Variants in SATL1 observed in about 807,000 individuals in gnomAD.
The protein encoded by SATL1 is spermidine/spermine N1-acetyl transferase like 1.
A neutral mutation model predicts 51.8 loss-of-function variants in SATL1; 47 were observed. The ratio of observed to expected loss-of-function variants is 0.91; its 90% CI spans 0.72 to 1.16. SATL1 has a LOEUF of 1.16. SATL1 is among the 50% of genes most tolerant of loss of function. The pLI, the probability that SATL1 is intolerant of heterozygous loss-of-function variation, is 0.00. For missense variants in SATL1, 520 were observed against 526.4 expected (o/e 0.99, Z 0.12); for synonymous variants, 176 against 182.4 (o/e 0.97, Z 0.28).
chrX:85,202,493 C>A (rs1448315453), intron 2 of SATL1, among the ~76,000 whole-genome samples: 4 of 111,659 alleles, frequency 3.6e-5, no homozygotes, highest in Non-Finnish European at 7.5e-5. Flanking sequence ...CTCTTGAGTG[C>A]TGGCTATAGT....
intron 4 of SATL1, among the ~76,000 whole-genome samples, chrX:85,096,123 A>G (rs746584951): frequency 8.9e-6 from 1 of 111,745 alleles, no homozygotes; most frequent in Admixed American, 9.5e-5. Context: ...AACTTAAAAC[A>G]TCTGTCTTAA....
At chrX:85,129,094 T>C (rs1305832245) in intron 2 of SATL1, among the ~76,000 whole-genome samples, 1 of 112,037 alleles carries the variant, frequency 8.9e-6, no homozygotes. Flanking sequence ...GCCTCCAGCT[T>C]TGCTCTTTTG....
At chrX:85,182,865 G>T (rs1927236949) in intron 2 of SATL1, among the ~76,000 whole-genome samples, 2 of 111,454 alleles carry the variant, frequency 1.8e-5, no homozygotes, top group Admixed American at 9.6e-5. Context: ...TCATGTATTT[G>T]TTGGCCATTT....
intron 2 of SATL1, among the ~76,000 whole-genome samples, chrX:85,196,920 G>C (rs1927576476): frequency 8.9e-6 from 1 of 111,911 alleles, no homozygotes; most frequent in Admixed American, 9.5e-5. Flanking sequence ...AAATCTTTGT[G>C]ACCTTGGGAT....
intron 2 of SATL1, among the ~76,000 whole-genome samples, chrX:85,148,470 C>T (rs1036310323): frequency 2.7e-5 from 3 of 110,174 alleles, no homozygotes; most frequent in Admixed American, 9.7e-5. Context: ...GAGAATGCCA[C>T]AAAGATATTC....
At chrX:85,115,032 T>C (rs1925350373) in intron 2 of SATL1, among the ~76,000 whole-genome samples, 1 of 111,390 alleles carries the variant, frequency 9.0e-6, no homozygotes, top group Non-Finnish European at 1.9e-5. Context: ...TGATGCATAC[T>C]GGGAAGGGGT....
intron 2 of SATL1, among the ~76,000 whole-genome samples, chrX:85,194,889 G>A (rs1927521066): frequency 9.2e-6 from 1 of 108,712 alleles, no homozygotes; most frequent in South Asian, 4.2e-4. Context: ...GGGAGGGTAG[G>A]GGAGGGATAG....
intron 2 of SATL1, among the ~76,000 whole-genome samples, chrX:85,187,985 T>C (rs1927350081): frequency 9.0e-6 from 1 of 111,298 alleles, no homozygotes; most frequent in South Asian, 3.7e-4. Context: ...TCTATAATTG[T>C]AAAAAGGAAA....
At chrX:85,236,659 C>A (rs1204034826) in intron 1 of SATL1, among the ~76,000 whole-genome samples, 1 of 111,217 alleles carries the variant, frequency 9.0e-6, no homozygotes, top group East Asian at 2.8e-4. Context: ...TAAAAACCCT[C>A]AAAAAACTGG....
chrX:85,138,629 G>A (rs1159113481), intron 2 of SATL1, among the ~76,000 whole-genome samples: 1 of 111,915 alleles, frequency 8.9e-6, no homozygotes, highest in Non-Finnish European at 1.9e-5. Flanking sequence ...ATTAATCTGG[G>A]CTTTTATTTC....
chrX:85,195,958 T>G (rs990948274), intron 2 of SATL1, among the ~76,000 whole-genome samples: 2 of 110,255 alleles, frequency 1.8e-5, no homozygotes, highest in African/African-American at 6.6e-5. Context: ...TGTGCATTCT[T>G]CAAGGCTGGG....
At chrX:85,171,418 A>T (rs1335851485) in intron 2 of SATL1, among the ~76,000 whole-genome samples, 3 of 111,896 alleles carry the variant, frequency 2.7e-5, no homozygotes, top group African/African-American at 6.5e-5. Context: ...ACGGTTAATG[A>T]ATACATAATT....
intron 2 of SATL1, among the ~76,000 whole-genome samples, chrX:85,197,777 T>C (rs1927604081): frequency 9.1e-6 from 1 of 109,372 alleles, no homozygotes; most frequent in Non-Finnish European, 1.9e-5. Flanking sequence ...GATAGTTTAC[T>C]GAGAATGATG....
rs138002017 is a variant in SATL1, at chrX:85,122,721, T to C, written c.-312-13441A>G. 6.2e-5 allele frequency among the ~76,000 whole-genome samples: 7 copies of C among 112,212 alleles called. No homozygotes were observed. The East Asian group carries it at 1.4e-3, about 22-fold the overall frequency. On this transcript the variant is annotated intron_variant, in intron 2 of 7. Transcript: ENST00000644105. The stretch of plus-strand genomic sequence containing the variant: ...AGGTTTGTTACATGGGTAAGCTGTA[T>C]GTTCAGGAGTTGGGTGTACAAACTA...
intron 3 of SATL1, 137 bp from the exon 4 acceptor site, chrX:85,104,052 C>A (rs1050855895): frequency 2.4e-6 from 1 of 422,058 alleles, no homozygotes; most frequent in Non-Finnish European, 4.2e-6. Context: ...GACTTAATCC[C>A]AGTCATCTAG....
Position 85,108,380 on chromosome X carries a change from C to T in SATL1, c.589G>A (p.Gly197Ser). ...TGGCTGATGCCTGGTTGTTGCACGC[C>T]TGGTTGCCACATGCCTGGTGGACTC... ...NMSPPGMWQP[G>S]VQQPGISQQV... The change falls in exon 3 of 8, where the codon GGC becomes AGC. Residue 197 changes from glycine to serine, a missense_variant. Transcript: ENST00000644105. The T allele has an allele frequency of 1.7e-6, 2 of 1,210,206 alleles. No homozygotes were observed. The highest frequency in any genetic ancestry group is 2.2e-6 in the Non-Finnish European group (2 of 895,078).
At position 85,133,669 on chromosome X, in the gene SATL1, C is replaced by T. The variant is rs748973620; in HGVS notation, c.-312-24389G>A. Among the ~76,000 whole-genome samples the T allele has an allele frequency of 2.7e-5, 3 of 111,784 alleles. No homozygotes were observed. The East Asian group carries it at 8.5e-4, about 32-fold the overall frequency. On this transcript the variant is annotated intron_variant, in intron 2 of 7. Coordinates refer to ENST00000644105, the MANE Select transcript of SATL1 (RefSeq NM_001367857.2). The stretch of plus-strand genomic sequence containing the variant: ...TCTGTGGGCTGCACCCACTGTCCGA[C>T]CAGTCCCAATGAGATGAACCAGGTA...
chrX:85,180,770 C>T (rs1230503692), intron 2 of SATL1, among the ~76,000 whole-genome samples: 1 of 111,207 alleles, frequency 9.0e-6, no homozygotes, highest in Non-Finnish European at 1.9e-5. Flanking sequence ...AGCAGAGCAG[C>T]TGCTTCTAGT....
intron 2 of SATL1, among the ~76,000 whole-genome samples, chrX:85,143,766 A>C (rs977684814): frequency 1.8e-5 from 2 of 111,431 alleles, no homozygotes; most frequent in African/African-American, 6.5e-5. Context: ...AATATGAAAA[A>C]TTCTATGGAC....
Sources: allele counts gnomAD v4.1 joint callset (sites outside exome capture counted in the v4.1 genomes callset), GRCh38; gene constraint gnomAD v4.1.1; transcripts MANE v1.5; gene names NCBI Gene and HGNC (gene_info 2026-07-23, HGNC 2026-07-21).